MDGA2: variants seen among roughly 807,000 people sequenced by gnomAD.
MDGA2 encodes MAM domain-containing glycosylphosphatidylinositol anchor protein 2.
MDGA2 carries 40 observed loss-of-function variants against 117.8 expected under a neutral mutation model. The ratio of observed to expected loss-of-function variants is 0.34; its 90% confidence interval spans 0.26 to 0.44. The LOEUF is 0.44. MDGA2 is among the 20% of genes least tolerant of loss of function. The pLI, the probability that MDGA2 is intolerant of heterozygous loss-of-function variation, is 1.00. For missense variants in MDGA2, 1,123 were observed against 1,250.6 expected, an observed-to-expected ratio of 0.90 and a Z score of 1.54; for synonymous variants, 452 against 439.0, an observed-to-expected ratio of 1.03 and a Z score of -0.37.
chr14:47,324,238 C>T (rs1464472887), intron 1 of MDGA2, among the ~76,000 whole-genome samples: 2 of 151,752 alleles, frequency 1.3e-5, no homozygotes, highest in African/African-American at 4.8e-5. Flanking sequence ...GAGTGAGACT[C>T]CATCTCAAAA....
Position 47,635,771 on chromosome 14 carries a change from G to A in MDGA2, c.280+38746C>T, listed in dbSNP as rs530932868. Among the ~76,000 whole-genome samples, 9 of 152,254 alleles carry A rather than the reference G, an allele frequency of 5.9e-5. No individual in the cohort carries two copies. In the East Asian group the frequency reaches 1.7e-3, roughly 29 times the overall value. ...ATAATCTTGCAACTCAAACTTTCAG[G>A]AACAATAATGCTGATTTGCTGTCAG... is the stretch of plus-strand genomic sequence containing the variant. On this transcript the variant is annotated intron_variant, in intron 1 of 16. Coordinates refer to ENST00000399232, the MANE Select transcript of MDGA2 (RefSeq NM_001113498.3).
chr14:46,936,570 T>A (rs769602988), intron 9 of MDGA2, among the ~76,000 whole-genome samples: 2 of 152,102 alleles, frequency 1.3e-5, no homozygotes, highest in African/African-American at 2.4e-5. Flanking sequence ...TTATTTTTGT[T>A]CATCTCTGTA....
intron 3 of MDGA2, among the ~76,000 whole-genome samples, chr14:47,177,997 G>T (rs768869215): frequency 1.3e-5 from 2 of 151,982 alleles, no homozygotes; most frequent in Non-Finnish European, 2.9e-5. Context: ...AATCAATTCT[G>T]TTCCATGGCT....
intron 2 of MDGA2, among the ~76,000 whole-genome samples, chr14:47,277,898 T>C (rs1888356442): frequency 6.6e-6 from 1 of 152,114 alleles, no homozygotes; most frequent in South Asian, 2.1e-4. Context: ...TAAGTAAGAA[T>C]TTCTTTACCA....
chr14:47,558,358 T>C (rs1895727866), intron 1 of MDGA2, among the ~76,000 whole-genome samples: 1 of 152,194 alleles, frequency 6.6e-6, no homozygotes, highest in African/African-American at 2.4e-5. Context: ...TAGTTTTGAT[T>C]TTAACCCAGC....
At chr14:47,352,834 G>T (rs1033075378) in intron 1 of MDGA2, among the ~76,000 whole-genome samples, 1 of 152,136 alleles carries the variant, frequency 6.6e-6, no homozygotes, top group African/African-American at 2.4e-5. Flanking sequence ...ATGCTTTAGT[G>T]AATAGTCTGG....
chr14:46,947,205 A>G, intron 9 of MDGA2, among the ~76,000 whole-genome samples: 1 of 152,012 alleles, frequency 6.6e-6, no homozygotes, highest in East Asian at 1.9e-4. Flanking sequence ...TTGCATGCAA[A>G]ATTCTTTTTC....
intron 1 of MDGA2, among the ~76,000 whole-genome samples, chr14:47,427,280 G>C (rs1892710299): frequency 6.6e-6 from 1 of 152,086 alleles, no homozygotes; most frequent in Non-Finnish European, 1.5e-5. Context: ...CTCCAAAGCT[G>C]AAAACACAGA....
At chr14:47,343,003 A>AG in intron 1 of MDGA2, 2 of 1,155,792 alleles carry the variant, frequency 1.7e-6, no homozygotes, top group Non-Finnish European at 1.2e-6. Flanking sequence ...ATGCTACCTC[A>AG]GGGGAGTCAG....
intron 1 of MDGA2, among the ~76,000 whole-genome samples, chr14:47,629,816 AG>A (rs1897220140): frequency 6.6e-6 from 1 of 152,150 alleles, no homozygotes; most frequent in South Asian, 2.1e-4. Context: ...AGAGAAGAAA[AG>A]GCTTCCCTTG....
chr14:46,863,417 C>T (rs1022233414), intron 14 of MDGA2, among the ~76,000 whole-genome samples: 8 of 152,100 alleles, frequency 5.3e-5, no homozygotes, highest in Non-Finnish European at 1.0e-4. Flanking sequence ...GAATTCTAAA[C>T]ACTAGGATTA....
intron 3 of MDGA2, among the ~76,000 whole-genome samples, chr14:47,201,802 A>G (rs1041757594): frequency 2.0e-5 from 3 of 152,110 alleles, no homozygotes; most frequent in Admixed American, 2.0e-4. Flanking sequence ...CAGATTCTCA[A>G]TTCCATCAAA....
chr14:47,057,645 TCC>T lies in MDGA2; in HGVS notation c.1525+3602_1525+3603del, dbSNP rs1209904891. Among the ~76,000 whole-genome samples the T allele has an allele frequency of 5.9e-4, 17 of 28,590 alleles. No individual in the cohort carries two copies. In the East Asian group the frequency reaches 0.036, roughly 61 times the overall value. 18.8% of individuals were successfully genotyped at this position (28,590 alleles called of 152,430 possible). The stretch of plus-strand genomic sequence containing the variant: ...TCCTCTCCCCTCCCCTCCCCTCCTT[TCC>T]CCTCCCCTCCCCTCCTTTCCCCTCC... On this transcript the variant is annotated intron_variant, in intron 7 of 16. Coordinates refer to ENST00000399232, the MANE Select transcript of MDGA2 (RefSeq NM_001113498.3).
chr14:47,521,260 AGAT>A (rs1348243667), intron 1 of MDGA2, among the ~76,000 whole-genome samples: 36 of 152,342 alleles, frequency 2.4e-4, no homozygotes, highest in African/African-American at 8.4e-4. Context: ...ATCAGTTTTT[AGAT>A]GATATCACAT....
intron 1 of MDGA2, among the ~76,000 whole-genome samples, chr14:47,582,133 G>A (rs1386432181): frequency 6.6e-6 from 1 of 151,786 alleles, no homozygotes; most frequent in African/African-American, 2.4e-5. Context: ...CATTAGCTAT[G>A]GTGTTGTTGT....
chr14:46,993,391 T>C (rs886411962), intron 8 of MDGA2, among the ~76,000 whole-genome samples: 2 of 152,118 alleles, frequency 1.3e-5, no homozygotes, highest in African/African-American at 2.4e-5. Flanking sequence ...CCTGAACATT[T>C]ACACCACTGA....
chr14:47,112,711 T>A (rs1881109980), intron 5 of MDGA2, among the ~76,000 whole-genome samples: 2 of 152,184 alleles, frequency 1.3e-5, no homozygotes, highest in South Asian at 4.1e-4. Flanking sequence ...TATGTGTGCA[T>A]ATATCTTTAT....
intron 6 of MDGA2, among the ~76,000 whole-genome samples, chr14:47,064,892 A>G (rs7148759): frequency 0.17 from 25,876 of 152,012 alleles, 2,445 homozygotes; most frequent in East Asian, 0.31. Context: ...CTTAAAATCA[A>G]TCTGTAATTA....
intron 3 of MDGA2, among the ~76,000 whole-genome samples, chr14:47,210,645 G>A (rs1432884476): frequency 6.6e-6 from 1 of 152,060 alleles, no homozygotes; most frequent in Non-Finnish European, 1.5e-5. Flanking sequence ...TCAATAAGTG[G>A]CCATTGCTTC....
Sources: gnomAD v4.1 joint callset for allele counts (sites outside exome capture counted in the v4.1 genomes callset) on GRCh38, gnomAD v4.1.1 for gene constraint, MANE v1.5 for transcripts, NCBI Gene and HGNC (gene_info 2026-07-23, HGNC 2026-07-21) for gene names.